The following KALRN variants were observed in gnomAD, a reference collection of about 807,000 sequenced individuals.
KALRN encodes the protein kalirin.
KALRN carries 70 observed loss-of-function variants against 353.7 expected under a neutral mutation model. The observed-to-expected ratio is 0.20, with a 90% CI of 0.16 to 0.24. The LOEUF is 0.24. Ranked by LOEUF, KALRN falls within the 10% of genes least tolerant of loss-of-function variation. The probability of loss-of-function intolerance (pLI) is 1.00; values close to 1 mark genes in which losing one functional copy is unlikely to be tolerated. For missense variants in KALRN, 2,791 were observed against 3,756.7 expected (o/e 0.74, Z 6.72); for synonymous variants, 1,391 against 1,434.8 (o/e 0.97, Z 0.69).
At chr3:124,139,874 C>T (rs2066412281) in intron 1 of KALRN, among the ~76,000 whole-genome samples, 1 of 152,132 alleles carries the variant, frequency 6.6e-6, no homozygotes, top group Admixed American at 6.5e-5. Context: ...GACCTCCTTT[C>T]TCCTGGTACA....
At chr3:124,642,476 T>G (rs959932747) in intron 37 of KALRN, among the ~76,000 whole-genome samples, 1 of 152,162 alleles carries the variant, frequency 6.6e-6, no homozygotes, top group Non-Finnish European at 1.5e-5. Flanking sequence ...TTTAGTCTAC[T>G]TGGTGGCCTG....
intron 1 of KALRN, among the ~76,000 whole-genome samples, chr3:124,178,848 A>G (rs959786703): frequency 3.9e-5 from 6 of 152,174 alleles, no homozygotes; most frequent in Admixed American, 6.5e-5. Flanking sequence ...GCTCATGTCT[A>G]TAGTTCTAGA....
intron 25 of KALRN, among the ~76,000 whole-genome samples, chr3:124,473,112 A>G (rs2061100546): frequency 6.6e-6 from 1 of 152,242 alleles, no homozygotes; most frequent in Admixed American, 6.5e-5. Flanking sequence ...TTAATTGCAC[A>G]TACATATTTT....
intron 18 of KALRN, among the ~76,000 whole-genome samples, chr3:124,441,034 C>T (rs942484466): frequency 4.6e-5 from 7 of 152,100 alleles, no homozygotes; most frequent in Non-Finnish European, 5.9e-5. Context: ...AATATAACAG[C>T]TGTTAGTCCT....
At chr3:124,568,621 G>C (rs1578046606) in intron 34 of KALRN, among the ~76,000 whole-genome samples, 1 of 152,260 alleles carries the variant, frequency 6.6e-6, no homozygotes, top group East Asian at 1.9e-4. Flanking sequence ...AGCAACAGGT[G>C]AATTGAATAT....
chr3:124,671,771 C>G lies in KALRN; in HGVS notation c.6815C>G (p.Ala2272Gly). 3 of 1,613,890 alleles carry G rather than the reference C, an allele frequency of 1.9e-6. No homozygotes were observed. Among genetic ancestry groups the G allele is most frequent in the Non-Finnish European group, 2.5e-6 (3 of 1,179,746 alleles). Residue 2272 changes from alanine to glycine, a missense_variant, in exon 48 of 60, where the codon GCG (alanine) becomes GGG (glycine). By Grantham distance (60) the Ala-to-Gly change is moderately conservative (BLOSUM62 0). This residue lies in a region of KALRN where 1,065 missense variants were observed against 1,156.4 expected (regional missense o/e 0.92). Transcript: ENST00000682506. ...ASPRPYSSVP[A>G]GSEKPPKGSS... ...CCCAGGCCCTACTCCTCTGTTCCTG[C>G]GGGCTCAGAGAAGCCCCCAAAGGGC...
At chr3:124,677,244 A>T in intron 49 of KALRN, 1 of 167,700 alleles carries the variant, frequency 6.0e-6, no homozygotes, top group Non-Finnish European at 1.3e-5. Context: ...ACTTCATTCA[A>T]GCTCTGTGAC....
At chr3:124,250,496 G>A (rs1480176829) in intron 3 of KALRN, among the ~76,000 whole-genome samples, 1 of 152,204 alleles carries the variant, frequency 6.6e-6, no homozygotes, top group Non-Finnish European at 1.5e-5. Flanking sequence ...AGTCCCCTCA[G>A]CTCTCTTCTC....
intron 6 of KALRN, among the ~76,000 whole-genome samples, chr3:124,319,717 G>A (rs911929467): frequency 6.6e-6 from 1 of 151,914 alleles, no homozygotes; most frequent in African/African-American, 2.4e-5. Context: ...TTCAGGCCAG[G>A]CGCAGTGGCT....
chr3:124,215,478 A>T (rs1385684489), intron 1 of KALRN, among the ~76,000 whole-genome samples: 1 of 152,186 alleles, frequency 6.6e-6, no homozygotes, highest in African/African-American at 2.4e-5. Flanking sequence ...AACATCTACC[A>T]GGTGTCAGGC....
intron 6 of KALRN, among the ~76,000 whole-genome samples, chr3:124,306,773 G>C (rs1458648567): frequency 6.6e-6 from 1 of 152,062 alleles, no homozygotes; most frequent in Non-Finnish European, 1.5e-5. Context: ...TCTGTTACAA[G>C]GGAACCTCAA....
intron 34 of KALRN, among the ~76,000 whole-genome samples, chr3:124,582,783 G>A (rs1013086696): frequency 7.3e-6 from 1 of 137,046 alleles, no homozygotes; most frequent in Non-Finnish European, 1.6e-5. Flanking sequence ...GGGTTGAGCT[G>A]GGGGGGATGG....
chr3:124,562,763 T>A, intron 33 of KALRN, 80 bp from the exon 34 acceptor site: 2 of 1,215,824 alleles, frequency 1.6e-6, no homozygotes, highest in South Asian at 2.8e-5. Flanking sequence ...CTTCGTCCCC[T>A]CTCACCAACC....
chr3:124,488,257 G>A lies in KALRN; in HGVS notation c.4338G>A (p.Glu1446=), dbSNP rs756171017. 51 of 1,613,924 alleles carry A rather than the reference G, an allele frequency of 3.2e-5. No individual in the cohort carries two copies. Among genetic ancestry groups the A allele is most frequent in the Admixed American group, 5.0e-5 (3 of 59,998 alleles). ...AAGGGGAGCTCAAGGATGGCCTGGA[G>A]GTGATGCTCAGTGTCCCAAAGAAAG... ...EGKGELKDGL[E]VMLSVPKKAN... Residue 1446 remains glutamate (E), a synonymous_variant, in exon 29 of 60, where the codon GAG becomes GAA. Coordinates refer to ENST00000682506, the MANE Select transcript of KALRN (RefSeq NM_001388419.1).
rs3054177 is a variant in KALRN, at chr3:124,265,298, C to CTTTTTT, written c.456+617_456+622dup. The stretch of plus-strand genomic sequence containing the variant: ...CTAGTAACTAATTTAAGAAAATATT[C>CTTTTTT]TTTTTTTTTTTTTTGAGATAGAGTC... On this transcript the variant is annotated intron_variant, in intron 4 of 59. Coordinates refer to ENST00000682506, the MANE Select transcript of KALRN (RefSeq NM_001388419.1). 3.3e-3 allele frequency among the ~76,000 whole-genome samples: 239 copies of CTTTTTT among 73,118 alleles called. 52 individuals carry two copies. The highest frequency in any genetic ancestry group is 9.0e-3 in the African/African-American group (169 of 18,682). The allele number at this position is 73,118 out of a possible 152,430, so 48.0% of individuals were successfully genotyped here.
chr3:124,280,310 C>T (rs1026087527), intron 5 of KALRN, among the ~76,000 whole-genome samples: 2 of 152,134 alleles, frequency 1.3e-5, no homozygotes, highest in African/African-American at 2.4e-5. Flanking sequence ...GTCCTCCTTC[C>T]AGCAGGCCAG....
intron 3 of KALRN, among the ~76,000 whole-genome samples, chr3:124,239,884 G>T (rs771534518): frequency 7.2e-6 from 1 of 139,160 alleles, no homozygotes; most frequent in Non-Finnish European, 1.5e-5. Flanking sequence ...TCAATAAAAG[G>T]AGGATGTGGG....
intron 45 of KALRN, among the ~76,000 whole-genome samples, chr3:124,663,188 C>T (rs1174467050): frequency 6.6e-6 from 1 of 152,216 alleles, no homozygotes; most frequent in East Asian, 1.9e-4. Context: ...CTCAGGTGAT[C>T]CGCCCGCCTC....
chr3:124,384,580 C>T, intron 10 of KALRN: 2 of 347,786 alleles, frequency 5.8e-6, no homozygotes, highest in Non-Finnish European at 1.0e-5. Flanking sequence ...TATGGAGGTT[C>T]TCTACGCTCT....
Sources: allele counts gnomAD v4.1 joint callset (sites outside exome capture counted in the v4.1 genomes callset), GRCh38; gene constraint gnomAD v4.1.1; regional missense constraint gnomAD v4.1.1; transcripts MANE v1.5; gene names NCBI Gene and HGNC (gene_info 2026-07-23, HGNC 2026-07-21).